SOX5: variants seen among roughly 807,000 people sequenced by gnomAD.
SOX5 encodes SRY-box transcription factor 5.
SOX5 carries 9 observed loss-of-function variants against 92.0 expected under a neutral mutation model. The ratio of observed to expected loss-of-function variants is 0.10; its 90% CI spans 0.06 to 0.17. The LOEUF (loss-of-function observed/expected upper bound fraction) is 0.17. Among genes scored for constraint, SOX5 ranks in the 10% least tolerant of loss-of-function variants. The probability of loss-of-function intolerance (pLI) is 1.00; values close to 1 mark genes in which losing one functional copy is unlikely to be tolerated. For missense variants in SOX5, 642 were observed against 944.5 expected, an observed-to-expected ratio of 0.68 and a Z score of 4.20; for synonymous variants, 344 against 336.3, an observed-to-expected ratio of 1.02 and a Z score of -0.25.
intron 7 of SOX5, among the ~76,000 whole-genome samples, chr12:23,657,370 C>T (rs998688432): frequency 1.3e-5 from 2 of 152,238 alleles, no homozygotes; most frequent in South Asian, 4.1e-4. Flanking sequence ...CATCCTATTC[C>T]ACATGACATT....
At chr12:24,489,953 T>A (rs1021926099) in intron 1 of SOX5, among the ~76,000 whole-genome samples, 2 of 152,204 alleles carry the variant, frequency 1.3e-5, no homozygotes, top group Non-Finnish European at 2.9e-5. Flanking sequence ...TTTAATGTGG[T>A]GTTTAAAGAC....
intron 1 of SOX5, among the ~76,000 whole-genome samples, chr12:24,450,802 C>T (rs960840718): frequency 4.6e-5 from 7 of 152,104 alleles, no homozygotes; most frequent in Non-Finnish European, 7.4e-5. Flanking sequence ...AAGTATTTAT[C>T]CTTTATGTTA....
chr12:24,293,572 G>A (rs1340073314), intron 2 of SOX5, among the ~76,000 whole-genome samples: 1 of 151,762 alleles, frequency 6.6e-6, no homozygotes, highest in Admixed American at 6.6e-5. Flanking sequence ...ATTAAGGACT[G>A]GTTATGCAGT....
chr12:23,668,143 A>G (rs1260987527), intron 6 of SOX5, among the ~76,000 whole-genome samples: 1 of 152,274 alleles, frequency 6.6e-6, no homozygotes, highest in Non-Finnish European at 1.5e-5. Flanking sequence ...ACTATGTATT[A>G]GATAAGCTTT....
chr12:23,897,400 T>C (rs749423512), intron 1 of SOX5, among the ~76,000 whole-genome samples: 1 of 152,138 alleles, frequency 6.6e-6, no homozygotes, highest in Non-Finnish European at 1.5e-5. Flanking sequence ...CAAGTCGGAA[T>C]GAAAATACTG....
intron 4 of SOX5, among the ~76,000 whole-genome samples, chr12:24,078,992 G>A (rs919939010): frequency 1.3e-5 from 2 of 151,654 alleles, no homozygotes; most frequent in African/African-American, 4.8e-5. Flanking sequence ...CTCCTTCTCT[G>A]CTTACCATTA....
intron 2 of SOX5, among the ~76,000 whole-genome samples, chr12:23,883,135 C>G (rs2097017888): frequency 6.6e-6 from 1 of 151,272 alleles, no homozygotes; most frequent in African/African-American, 2.4e-5. Context: ...GAGCTGAGAT[C>G]GCGCCACTGC....
At chr12:23,603,664 A>G (rs2074862447) in intron 9 of SOX5, among the ~76,000 whole-genome samples, 1 of 151,592 alleles carries the variant, frequency 6.6e-6, no homozygotes, top group Admixed American at 6.6e-5. Context: ...TTTAAAATCA[A>G]TTTTTCTCTC....
intron 11 of SOX5, among the ~76,000 whole-genome samples, chr12:23,553,522 A>C (rs993744418): frequency 2.6e-5 from 4 of 152,194 alleles, no homozygotes; most frequent in East Asian, 1.9e-4. Context: ...TGGTGTGTAC[A>C]TGTGGAAGAA....
At chr12:23,938,192 T>G (rs977895509) in intron 1 of SOX5, among the ~76,000 whole-genome samples, 4 of 151,052 alleles carry the variant, frequency 2.6e-5, no homozygotes, top group African/African-American at 7.3e-5. Flanking sequence ...GCTTCTGGCT[T>G]TCAACAGATT....
intron 7 of SOX5, among the ~76,000 whole-genome samples, chr12:23,664,653 G>T (rs1252184608): frequency 6.6e-6 from 1 of 151,986 alleles, no homozygotes; most frequent in Non-Finnish European, 1.5e-5. Flanking sequence ...AGAGAAAAAG[G>T]CATGAAATCA....
chr12:24,437,167 T>C (rs1310419016), intron 1 of SOX5, among the ~76,000 whole-genome samples: 5 of 152,182 alleles, frequency 3.3e-5, no homozygotes, highest in African/African-American at 1.2e-4. Context: ...CAAGCAGTAA[T>C]TTTGGCTTTC....
chr12:24,061,797 C>T (rs1454091113), intron 4 of SOX5, among the ~76,000 whole-genome samples: 1 of 151,400 alleles, frequency 6.6e-6, no homozygotes, highest in African/African-American at 2.4e-5. Context: ...TTTCAACAGG[C>T]CCTATAATGT....
intron 1 of SOX5, among the ~76,000 whole-genome samples, chr12:24,440,443 C>T (rs1940305394): frequency 6.6e-6 from 1 of 152,102 alleles, no homozygotes; most frequent in South Asian, 2.1e-4. Flanking sequence ...AAGTGTGGCT[C>T]ATTCCATGCG....
At chr12:23,602,666 G>GA (rs1166708533) in intron 9 of SOX5, among the ~76,000 whole-genome samples, 1 of 151,946 alleles carries the variant, frequency 6.6e-6, no homozygotes, top group African/African-American at 2.4e-5. Context: ...TAAATCAAGG[G>GA]AAAAAACAGA....
chr12:24,251,090 A>C (rs1420388888), intron 3 of SOX5, among the ~76,000 whole-genome samples: 1 of 152,234 alleles, frequency 6.6e-6, no homozygotes, highest in East Asian at 1.9e-4. Flanking sequence ...TTTGCGTAGC[A>C]GCAACAGGCT....
chr12:24,160,943 A>C (rs1037905461), intron 4 of SOX5, among the ~76,000 whole-genome samples: 2 of 152,080 alleles, frequency 1.3e-5, no homozygotes, highest in Non-Finnish European at 2.9e-5. Context: ...AAATTAACAG[A>C]GTACTATTAT....
chr12:24,134,475 C>CT (rs1949937281), intron 4 of SOX5, among the ~76,000 whole-genome samples: 1 of 152,124 alleles, frequency 6.6e-6, no homozygotes, highest in South Asian at 2.1e-4. Flanking sequence ...TAAAAACAGT[C>CT]TAAAACCAAC....
At position 24,115,136 on chromosome 12, in the gene SOX5, A is replaced by G. The variant is rs1593292590; in HGVS notation, c.-2+98207T>C. Among the ~76,000 whole-genome samples the G allele has an allele frequency of 4.6e-5, 7 of 152,308 alleles. No homozygotes were observed. In the South Asian group the frequency reaches 1.2e-3, roughly 27 times the overall value. The stretch of plus-strand genomic sequence containing the variant: ...TAATACAAAAAAGAGAAAAGAGAAA[A>G]CAAAGTGCAGAAAGTAAAGCAGAAG... On this transcript the variant is annotated intron_variant, in intron 4 of 4. Coordinates refer to the SOX5 transcript ENST00000446891.
Sources: allele counts gnomAD v4.1 joint callset (sites outside exome capture counted in the v4.1 genomes callset), GRCh38; gene constraint gnomAD v4.1.1; transcripts MANE v1.5; gene names NCBI Gene and HGNC (gene_info 2026-07-23, HGNC 2026-07-21).